Variants in IL12RB2 observed in about 807,000 individuals in gnomAD.
IL12RB2 encodes the protein interleukin 12 receptor subunit beta 2.
In IL12RB2, 82 loss-of-function variants were observed where a neutral mutation model predicts 89.4. The observed-to-expected ratio is 0.92, with a 90% confidence interval of 0.77 to 1.10. The LOEUF is 1.10. IL12RB2 is among the 50% of genes least tolerant of loss of function. The pLI is 0.00. For missense variants in IL12RB2, 963 were observed against 1,031.9 expected, an observed-to-expected ratio of 0.93 and a Z score of 0.92; for synonymous variants, 368 against 370.1, an observed-to-expected ratio of 0.99 and a Z score of 0.07.
At chr1:67,317,202 A>G (rs1325266935) in intron 2 of IL12RB2, among the ~76,000 whole-genome samples, 1 of 152,192 alleles carries the variant, frequency 6.6e-6, no homozygotes, top group African/African-American at 2.4e-5. Context: ...TAGTGTCAGC[A>G]GAGAGTGGTG....
intron 2 of IL12RB2, among the ~76,000 whole-genome samples, chr1:67,319,489 A>G (rs1656213618): frequency 6.6e-6 from 1 of 152,238 alleles, no homozygotes; most frequent in South Asian, 2.1e-4. Flanking sequence ...AAAGAGATCA[A>G]TCTTTTACTA....
At chr1:67,353,237 G>T (rs1455649055) in intron 10 of IL12RB2, among the ~76,000 whole-genome samples, 1 of 152,120 alleles carries the variant, frequency 6.6e-6, no homozygotes, top group Non-Finnish European at 1.5e-5. Context: ...AAGTGAAAAG[G>T]TAAGATTTTA....
At chr1:67,386,917 T>TATATATATATATATA (rs1665253562) in intron 15 of IL12RB2, among the ~76,000 whole-genome samples, 5 of 98,610 alleles carry the variant, frequency 5.1e-5, no homozygotes, top group Admixed American at 1.1e-4. Context: ...TATATATATA[T>TATATATATATATATA]TCTTTTTTTC....
rs1234703864 is a variant in IL12RB2, at chr1:67,326,703, G to A, written c.365-32G>A. On this transcript the variant is annotated intron_variant, in intron 4 of 16. Coordinates refer to ENST00000674203, the MANE Select transcript of IL12RB2 (RefSeq NM_001374259.2). ...AATTCGGTTGAAATATCACCTGTGT[G>A]ATATATAAGGTTTTGTCTTTTCTTT... 10 of 1,608,356 alleles carry A rather than the reference G, an allele frequency of 6.2e-6. No individual in the cohort carries two copies. The Middle Eastern group carries it at 8.3e-4, about 133-fold the overall frequency.
At chr1:67,386,499 G>A in intron 14 of IL12RB2, 80 bp from the exon 15 acceptor site, 3 of 952,124 alleles carry the variant, frequency 3.2e-6, no homozygotes, top group Non-Finnish European at 5.2e-6. Flanking sequence ...GTAAGGCCCA[G>A]AGGGCGCATA....
intron 10 of IL12RB2, among the ~76,000 whole-genome samples, chr1:67,355,197 T>C (rs552087652): frequency 6.6e-6 from 1 of 152,032 alleles, no homozygotes; most frequent in East Asian, 1.9e-4. Context: ...GTAGATCACT[T>C]GAGGCCAGGA....
intron 9 of IL12RB2, among the ~76,000 whole-genome samples, chr1:67,341,723 T>C (rs771507919): frequency 2.0e-5 from 3 of 152,216 alleles, no homozygotes; most frequent in Non-Finnish European, 4.4e-5. Flanking sequence ...CCAAGGAAAG[T>C]TGGATGCAGT....
At chr1:67,309,059 T>TAC (rs916218921) in intron 1 of IL12RB2, among the ~76,000 whole-genome samples, 7 of 151,436 alleles carry the variant, frequency 4.6e-5, no homozygotes, top group South Asian at 2.1e-4. Flanking sequence ...TATATATATA[T>TAC]ACACACACAC....
At chr1:67,331,949 T>G (rs1376832256) in intron 8 of IL12RB2, among the ~76,000 whole-genome samples, 2 of 152,236 alleles carry the variant, frequency 1.3e-5, no homozygotes, top group Non-Finnish European at 2.9e-5. Flanking sequence ...TATAATCCAT[T>G]GTTCATTATC....
chr1:67,386,208 C>CAAAAAAAAA (rs755471388), intron 14 of IL12RB2, among the ~76,000 whole-genome samples: 1 of 54,566 alleles, frequency 1.8e-5, no homozygotes, highest in Non-Finnish European at 3.1e-5. Context: ...GACTCCATCT[C>CAAAAAAAAA]AAAAAAAAAA....
At chr1:67,356,632 T>C (rs1403460121) in intron 10 of IL12RB2, among the ~76,000 whole-genome samples, 1 of 152,158 alleles carries the variant, frequency 6.6e-6, no homozygotes, top group African/African-American at 2.4e-5. Flanking sequence ...GCTCAGCTTG[T>C]ATCACTGCAG....
intron 9 of IL12RB2, among the ~76,000 whole-genome samples, chr1:67,345,570 T>C (rs532599861): frequency 2.0e-5 from 3 of 152,362 alleles, no homozygotes; most frequent in South Asian, 2.1e-4. Flanking sequence ...TAGTGAGGAT[T>C]GGCTGCCAGG....
intron 13 of IL12RB2, 52 bp downstream of exon 13, chr1:67,372,835 G>C (rs762908238): frequency 2.8e-5 from 36 of 1,264,216 alleles, no homozygotes; most frequent in Non-Finnish European, 3.9e-5. Flanking sequence ...TTGGATGTCA[G>C]GAAAACACAA....
At chr1:67,351,235 T>C (rs1414080898) in intron 10 of IL12RB2, 146 bp downstream of exon 10, 1 of 1,400,696 alleles carries the variant, frequency 7.1e-7, no homozygotes, top group Non-Finnish European at 9.7e-7. Context: ...TTTTTTTTTC[T>C]TTTCCAATCA....
At chr1:67,330,594 A>ATTTTT in intron 7 of IL12RB2, 66 bp from the exon 8 acceptor site, 1 of 714,060 alleles carries the variant, frequency 1.4e-6, no homozygotes. Context: ...TTTTCATTTT[A>ATTTTT]TGTTAAAATT....
intron 10 of IL12RB2, among the ~76,000 whole-genome samples, chr1:67,363,498 G>A (rs1283332230): frequency 1.3e-5 from 2 of 152,204 alleles, no homozygotes; most frequent in Non-Finnish European, 2.9e-5. Flanking sequence ...TTACAGGCAT[G>A]AGCCACTGTG....
chr1:67,367,967 A>G lies in IL12RB2; in HGVS notation c.1401A>G (p.Thr467=), dbSNP rs778431011. ...GAGAGCTCCATCCAGGGGGTGACAC[A>G]CAGGTCCCTCTAAACTGGCTACGGA... ...EWRELHPGGD[T]QVPLNWLRSR... is the part of the protein sequence containing the mutation. The change falls in exon 11 of 17, where the codon ACA becomes ACG. Residue 467 remains threonine (T), a synonymous_variant. Coordinates refer to ENST00000674203, the MANE Select transcript of IL12RB2 (RefSeq NM_001374259.2). 1.2e-6 allele frequency: 2 copies of G among 1,611,546 alleles called. No individual in the cohort carries two copies. The highest frequency in any genetic ancestry group is 1.7e-6 in the Non-Finnish European group (2 of 1,177,668).
chr1:67,321,582 G>T lies in IL12RB2; in HGVS notation c.77-20G>T, dbSNP rs1475427173. The T allele has an allele frequency of 1.3e-6, 2 of 1,531,930 alleles. No homozygotes were observed. The highest frequency in any genetic ancestry group is 1.4e-5 in the African/African-American group (1 of 72,894). 94.9% of individuals were successfully genotyped at this position (1,531,930 alleles called of 1,614,324 possible). On this transcript the variant is annotated intron_variant, in intron 3 of 16. Transcript: ENST00000674203. ...GGTTTATTATCACCAACTAAATATT[G>T]CATCTGTATCTTATTGCAGATGCGT...
chr1:67,351,880 A>C (rs1188798210), intron 10 of IL12RB2, among the ~76,000 whole-genome samples: 1 of 152,184 alleles, frequency 6.6e-6, no homozygotes, highest in Non-Finnish European at 1.5e-5. Context: ...ATTTCTCAAG[A>C]TCTGTATTAT....
Sources: allele counts gnomAD v4.1 joint callset (sites outside exome capture counted in the v4.1 genomes callset), GRCh38; gene constraint gnomAD v4.1.1; transcripts MANE v1.5; gene names NCBI Gene and HGNC (gene_info 2026-07-23, HGNC 2026-07-21).